ANAPC10: variants seen among roughly 807,000 people sequenced by gnomAD.
ANAPC10 encodes the protein anaphase promoting complex subunit 10.
A neutral mutation model predicts 22.0 loss-of-function variants in ANAPC10; 12 were observed. That is an observed-to-expected ratio of 0.55 (90% CI 0.35 to 0.88). ANAPC10 has a LOEUF of 0.88. Among genes scored for constraint, ANAPC10 ranks in the 40% least tolerant of loss-of-function variants. ANAPC10 has a pLI of 0.01. For synonymous variants in ANAPC10, 65 were observed against 69.5 expected (o/e 0.94, Z 0.32); for missense variants, 188 against 220.9 (o/e 0.85, Z 0.94).
intron 4 of ANAPC10, among the ~76,000 whole-genome samples, chr4:145,025,474 A>G (rs1015606356): frequency 6.6e-6 from 1 of 151,994 alleles, no homozygotes; most frequent in African/African-American, 2.4e-5. Context: ...GTCTCAACCA[A>G]TAAGGAGGCC....
intron 2 of ANAPC10, among the ~76,000 whole-genome samples, chr4:145,093,564 G>A (rs569024264): frequency 1.0e-4 from 15 of 150,024 alleles, no homozygotes; most frequent in African/African-American, 3.7e-4. Flanking sequence ...TGAGTAAGAT[G>A]TTAAAAAAAA....
At chr4:145,062,533 G>A (rs1199121057) in intron 4 of ANAPC10, among the ~76,000 whole-genome samples, 2 of 152,092 alleles carry the variant, frequency 1.3e-5, no homozygotes, top group East Asian at 3.9e-4. Flanking sequence ...TTTGAACCTG[G>A]GAGGTGGAGG....
intron 2 of ANAPC10, among the ~76,000 whole-genome samples, chr4:145,092,150 C>T (rs1240707950): frequency 6.6e-6 from 1 of 152,064 alleles, no homozygotes; most frequent in Non-Finnish European, 1.5e-5. Flanking sequence ...GAACATCACA[C>T]ACTAGGGCCT....
chr4:145,007,035 C>T (rs962022827), intron 4 of ANAPC10, among the ~76,000 whole-genome samples: 48 of 151,982 alleles, frequency 3.2e-4, no homozygotes, highest in African/African-American at 9.7e-4. Context: ...TCCTGGGAGG[C>T]GCGGGTCCCA....
chr4:145,057,543 G>A (rs895459649), intron 4 of ANAPC10, among the ~76,000 whole-genome samples: 7 of 151,954 alleles, frequency 4.6e-5, no homozygotes, highest in African/African-American at 1.7e-4. Flanking sequence ...TCATATCTAA[G>A]CTTCTATTTA....
At chr4:145,016,850 G>A (rs1735244098) in intron 4 of ANAPC10, among the ~76,000 whole-genome samples, 1 of 152,132 alleles carries the variant, frequency 6.6e-6, no homozygotes, top group African/African-American at 2.4e-5. Context: ...TGACAAACCT[G>A]ACAAAAACAA....
intron 4 of ANAPC10, among the ~76,000 whole-genome samples, chr4:145,015,854 A>T (rs979601669): frequency 2.0e-4 from 30 of 152,182 alleles, no homozygotes; most frequent in African/African-American, 7.2e-4. Flanking sequence ...AATATGAAGG[A>T]AAGATACAGT....
At chr4:145,011,931 T>C (rs1215354165) in intron 4 of ANAPC10, among the ~76,000 whole-genome samples, 1 of 152,006 alleles carries the variant, frequency 6.6e-6, no homozygotes, top group Admixed American at 6.6e-5. Flanking sequence ...GTTGAAAGCC[T>C]TGAGGGGCTA....
chr4:145,077,487 A>T (rs1745361303), intron 3 of ANAPC10, among the ~76,000 whole-genome samples: 1 of 152,100 alleles, frequency 6.6e-6, no homozygotes, highest in Admixed American at 6.5e-5. Flanking sequence ...ATTGCAAAAA[A>T]CTGAGAGGAA....
intron 4 of ANAPC10, among the ~76,000 whole-genome samples, chr4:145,033,698 C>T (rs1419395403): frequency 2.0e-5 from 3 of 152,036 alleles, no homozygotes; most frequent in African/African-American, 7.2e-5. Context: ...GGTCACTCCA[C>T]CAGGAAAAAA....
At chr4:145,087,953 C>A (rs1747136640) in intron 2 of ANAPC10, among the ~76,000 whole-genome samples, 1 of 152,082 alleles carries the variant, frequency 6.6e-6, no homozygotes, top group Middle Eastern at 3.2e-3. Context: ...GAGGCTAAGG[C>A]AGGAGAATCA....
intron 4 of ANAPC10, among the ~76,000 whole-genome samples, chr4:145,035,926 G>C (rs1245695795): frequency 6.6e-6 from 1 of 152,164 alleles, no homozygotes; most frequent in Admixed American, 6.6e-5. Context: ...AGATGAGCTG[G>C]AAGTCCAGGA....
intron 4 of ANAPC10, among the ~76,000 whole-genome samples, chr4:145,042,912 T>C (rs1739719862): frequency 6.6e-6 from 1 of 150,986 alleles, no homozygotes; most frequent in Non-Finnish European, 1.5e-5. Context: ...AAAGAAAAAA[T>C]TGTCTAAAAA....
intron 3 of ANAPC10, among the ~76,000 whole-genome samples, chr4:145,080,137 A>AC (rs1745781959): frequency 6.6e-6 from 1 of 150,384 alleles, no homozygotes; most frequent in Non-Finnish European, 1.5e-5. Context: ...AAAAAAAAAA[A>AC]ACACACATTG....
intron 4 of ANAPC10, among the ~76,000 whole-genome samples, chr4:145,056,169 G>A (rs897868756): frequency 6.6e-6 from 1 of 152,162 alleles, no homozygotes; most frequent in African/African-American, 2.4e-5. Flanking sequence ...TACAAGGTCA[G>A]CATAAGATAC....
intron 4 of ANAPC10, among the ~76,000 whole-genome samples, chr4:145,027,154 C>A (rs1736887626): frequency 6.7e-6 from 1 of 149,172 alleles, no homozygotes; most frequent in Non-Finnish European, 1.5e-5. Flanking sequence ...CAGGCGAGTG[C>A]CACCACACTC....
chr4:145,090,505 T>C (rs1304837116), intron 2 of ANAPC10, among the ~76,000 whole-genome samples: 1 of 152,194 alleles, frequency 6.6e-6, no homozygotes. Flanking sequence ...TCAAGCAAAG[T>C]AAATCACTTT....
chr4:145,086,528 G>C (rs908786036), intron 2 of ANAPC10, among the ~76,000 whole-genome samples: 2 of 152,122 alleles, frequency 1.3e-5, no homozygotes, highest in Non-Finnish European at 1.5e-5. Flanking sequence ...AACTTTGAGA[G>C]CTCAGCCCTT....
intron 4 of ANAPC10, among the ~76,000 whole-genome samples, chr4:144,998,857 G>C (rs1732049542): frequency 6.6e-6 from 1 of 152,000 alleles, no homozygotes; most frequent in Non-Finnish European, 1.5e-5. Context: ...CAACAAAATT[G>C]ATAGACCGCT....
Sources: allele counts gnomAD v4.1 joint callset (sites outside exome capture counted in the v4.1 genomes callset), GRCh38; gene constraint gnomAD v4.1.1; transcripts MANE v1.5; gene names NCBI Gene and HGNC (gene_info 2026-07-23, HGNC 2026-07-21).